The following WDR36 variants were observed in gnomAD, a reference collection of about 807,000 sequenced individuals.
WDR36 encodes WD repeat-containing protein 36.
In WDR36, 63 loss-of-function variants were observed where a neutral mutation model predicts 112.7. That is an observed-to-expected ratio of 0.56 (90% CI 0.46 to 0.69). The LOEUF (loss-of-function observed/expected upper bound fraction) is 0.69. Ranked by LOEUF, WDR36 falls within the 30% of genes least tolerant of loss-of-function variation. WDR36 has a pLI of 0.00. For missense variants in WDR36, 1,226 were observed against 1,070.3 expected (o/e 1.15, Z -2.03); for synonymous variants, 410 against 362.2 (o/e 1.13, Z -1.50).
chr5:111,121,745 A>G (rs1320942994), intron 19 of WDR36, among the ~76,000 whole-genome samples: 1 of 152,222 alleles, frequency 6.6e-6, no homozygotes, highest in Non-Finnish European at 1.5e-5. Context: ...TATGGTATAG[A>G]TTAGTATTTT....
rs767909695 is a variant in WDR36 at position 111,106,074 on chromosome 5, A to G, written c.1111A>G (p.Arg371Gly). 6.2e-7 allele frequency: 1 copy of G among 1,609,528 alleles called. No homozygotes were observed. Among genetic ancestry groups the G allele is most frequent in the South Asian group, 1.1e-5 (1 of 90,996 alleles). Residue 371 changes from arginine (R) to glycine (G), a missense_variant, in exon 11 of 23, where the codon AGA becomes GGA. Transcript: ENST00000513710. Reference sequence around the variant, plus strand: ...ATCCTTAGGATTAATAAATAAAAAGAGAGTTAAACGTAAAGGACTTCAGAA... The same window carrying G: ...ATCCTTAGGATTAATAAATAAAAAGGGAGTTAAACGTAAAGGACTTCAGAA... ...SLGHGLINKK[R>G]VKRKGLQNTM...
At chr5:111,114,244 A>G (rs764312883) in intron 16 of WDR36, among the ~76,000 whole-genome samples, 1 of 152,194 alleles carries the variant, frequency 6.6e-6, no homozygotes, top group African/African-American at 2.4e-5. Context: ...GTATGAAGAA[A>G]GGAAGAATTG....
intron 15 of WDR36, 29 bp downstream of exon 15, chr5:111,111,307 G>C (rs760072605): frequency 6.4e-7 from 1 of 1,568,870 alleles, no homozygotes; most frequent in South Asian, 1.1e-5. Context: ...AATAAAACTT[G>C]ACTCATTTCT....
rs1715401952 is a variant in WDR36, at chr5:111,106,000, C to T, written c.1094-57C>T. 3.7e-6 allele frequency: 5 copies of T among 1,341,546 alleles called. No homozygotes were observed. The Admixed American group carries it at 6.8e-5, about 18-fold the overall frequency. The allele number at this position is 1,341,546 out of a possible 1,614,324, so 83.1% of individuals were successfully genotyped here. A position where few individuals can be genotyped will look rare whatever the true frequency, so the allele number is the denominator to read the frequency against. On this transcript the variant is annotated intron_variant, in intron 10 of 22. Coordinates refer to ENST00000513710, the MANE Select transcript of WDR36 (RefSeq NM_139281.3). ...AGACTGATAGCTTTTCTTTTATATA[C>T]ACTTTTTATTAAGAAGGATTCATAG...
intron 4 of WDR36, among the ~76,000 whole-genome samples, chr5:111,099,467 T>A (rs868864251): frequency 2.0e-5 from 1 of 49,862 alleles, no homozygotes; most frequent in African/African-American, 5.6e-5. Flanking sequence ...TTTTTTGTTT[T>A]TTTTTTTTTT....
intron 15 of WDR36, chr5:111,111,487 A>G (rs1326401452): frequency 8.0e-6 from 4 of 501,128 alleles, no homozygotes; most frequent in Admixed American, 3.2e-5. Context: ...AAGTTTTAGA[A>G]CTCATCTTTT....
chr5:111,092,764 G>T, intron 1 of WDR36, 146 bp downstream of exon 1: 2 of 1,133,820 alleles, frequency 1.8e-6, no homozygotes, highest in South Asian at 1.3e-5. Context: ...TTCGCCATCC[G>T]GTCACGTCCA....
chr5:111,103,324 CAT>C (rs952278084), intron 6 of WDR36, among the ~76,000 whole-genome samples: 3 of 151,834 alleles, frequency 2.0e-5, no homozygotes, highest in Admixed American at 1.3e-4. Context: ...TGCCTTTTCA[CAT>C]GTTTTGTAGG....
chr5:111,098,693 T>C (rs375606204), intron 3 of WDR36, 29 bp from the exon 4 acceptor site: 5 of 1,350,670 alleles, frequency 3.7e-6, no homozygotes, highest in African/African-American at 2.9e-5. Flanking sequence ...AGTAATAATA[T>C]GAAATTCTTT....
chr5:111,109,517 A>G (rs1208510917), intron 12 of WDR36, among the ~76,000 whole-genome samples: 1 of 151,306 alleles, frequency 6.6e-6, no homozygotes, highest in Admixed American at 6.6e-5. Flanking sequence ...AAATTGAATT[A>G]TCTCTTGGTG....
chr5:111,101,062 C>T (rs552108011), intron 5 of WDR36, among the ~76,000 whole-genome samples: 46 of 151,810 alleles, frequency 3.0e-4, no homozygotes, highest in African/African-American at 9.9e-4. Flanking sequence ...ATGCAAATAC[C>T]ACACCATTTT....
chr5:111,118,914 G>A (rs2078963920), intron 16 of WDR36, 99 bp from the exon 17 acceptor site: 1 of 897,720 alleles, frequency 1.1e-6, no homozygotes, highest in African/African-American at 1.6e-5. Context: ...AACATTTTCT[G>A]CATCTCTTAT....
intron 6 of WDR36, 77 bp from the exon 7 acceptor site, chr5:111,103,709 A>G: frequency 6.4e-7 from 1 of 1,562,730 alleles, no homozygotes. Flanking sequence ...GATAACACCT[A>G]ATAATGATGC....
At chr5:111,106,002 CTT>C in intron 10 of WDR36, 53 bp from the exon 11 acceptor site, 1 of 1,379,078 alleles carries the variant, frequency 7.3e-7, no homozygotes, top group South Asian at 1.2e-5. Context: ...TTTATATACA[CTT>C]TTTATTAAGA....
chr5:111,127,914 T>C lies in WDR36; in HGVS notation c.*1031T>C, dbSNP rs1753706257. The C allele has an allele frequency of 5.6e-6, 1 of 177,926 alleles. No individual in the cohort carries two copies. The allele number at this position is 177,926 out of a possible 1,614,324, so 11.0% of individuals were successfully genotyped here. The stretch of plus-strand genomic sequence containing the variant: ...CAAAGCCAGGGTTTTTTTTATTTTG[T>C]TTTGTTTTGTTTTTTTTTTTTTTTT... On this transcript the variant is annotated 3_prime_UTR_variant, in exon 23 of 23. Coordinates refer to ENST00000513710, the MANE Select transcript of WDR36 (RefSeq NM_139281.3).
intron 11 of WDR36, among the ~76,000 whole-genome samples, chr5:111,107,070 A>AT (rs1216102735): frequency 6.6e-6 from 1 of 151,410 alleles, no homozygotes; most frequent in Non-Finnish European, 1.5e-5. Flanking sequence ...CAATGTATAC[A>AT]TATCACAACG....
intron 7 of WDR36, 54 bp downstream of exon 7, chr5:111,103,972 T>A: frequency 6.3e-7 from 1 of 1,599,370 alleles, no homozygotes; most frequent in Admixed American, 1.7e-5. Flanking sequence ...AATTCATTAC[T>A]TTAAAAGTCA....
Position 111,092,607 on chromosome 5 carries a change from C to T in WDR36, c.151C>T (p.His51Tyr), listed in dbSNP as rs756415521. The change falls in exon 1 of 23, where the codon CAC (histidine) becomes TAC (tyrosine). Residue 51 changes from histidine (H) to tyrosine (Y), a missense_variant. Coordinates refer to ENST00000513710, the MANE Select transcript of WDR36 (RefSeq NM_139281.3). ...AACAACCTGCGTGGGCAAGAGTTTCCACACCTATGACGTGAGTGACTTCTT... is the reference window on the plus strand; with the variant it reads ...AACAACCTGCGTGGGCAAGAGTTTCTACACCTATGACGTGAGTGACTTCTT... ...YVTTCVGKSF[H>Y]TYDVQKLSLV... is the part of the protein sequence containing the mutation. The T allele has an allele frequency of 3.3e-5, 54 of 1,613,434 alleles. No individual in the cohort carries two copies. In the South Asian group the frequency reaches 5.1e-4, roughly 15 times the overall value.
At position 111,113,118 on chromosome 5, in the gene WDR36, T is replaced by C. The variant is rs1357540272; in HGVS notation, c.1761T>C (p.Asp587=). 2 of 1,585,688 alleles carry C rather than the reference T, an allele frequency of 1.3e-6. No individual in the cohort carries two copies. Among genetic ancestry groups the C allele is most frequent in the East Asian group, 2.3e-5 (1 of 43,586 alleles). Residue 587 remains aspartate, a synonymous_variant, in exon 16 of 23, where the codon GAT becomes GAC. Transcript: ENST00000513710. ...DGRWLISAAM[D]CSIRTWDLPS... is the part of the protein sequence containing the mutation. ...GTTGGTTAATAAGTGCTGCGATGGATTGCTCTATTAGGACTTGGGACCTTC... is the reference window on the plus strand; with the variant it reads ...GTTGGTTAATAAGTGCTGCGATGGACTGCTCTATTAGGACTTGGGACCTTC...
Sources: allele counts gnomAD v4.1 joint callset (sites outside exome capture counted in the v4.1 genomes callset), GRCh38; gene constraint gnomAD v4.1.1; transcripts MANE v1.5; gene names NCBI Gene and HGNC (gene_info 2026-07-23, HGNC 2026-07-21).